The following FAM107B variants were observed in gnomAD, a reference collection of about 807,000 sequenced individuals.
FAM107B encodes protein FAM107B.
In FAM107B, 21 loss-of-function variants were observed where a neutral mutation model predicts 31.5. That is an observed-to-expected ratio of 0.67 (90% CI 0.47 to 0.96). The LOEUF is 0.96. FAM107B is among the 40% of genes least tolerant of loss of function. The pLI is 0.00. For missense variants in FAM107B, 452 were observed against 377.1 expected, an observed-to-expected ratio of 1.20 and a Z score of -1.64; for synonymous variants, 157 against 141.5, an observed-to-expected ratio of 1.11 and a Z score of -0.78.
intron 2 of FAM107B, among the ~76,000 whole-genome samples, chr10:14,613,704 C>T (rs941660225): frequency 6.6e-6 from 1 of 152,150 alleles, no homozygotes; most frequent in Non-Finnish European, 1.5e-5. Context: ...GCTTTCCTTC[C>T]GTCTGCCCCA....
At chr10:14,764,959 T>C (rs1331124105) in intron 1 of FAM107B, among the ~76,000 whole-genome samples, 1 of 152,244 alleles carries the variant, frequency 6.6e-6, no homozygotes, top group Non-Finnish European at 1.5e-5. Context: ...CCACTGCCGA[T>C]GAAGGACGTC....
At chr10:14,655,191 A>T (rs1854013602) in intron 2 of FAM107B, among the ~76,000 whole-genome samples, 1 of 152,158 alleles carries the variant, frequency 6.6e-6, no homozygotes, top group Admixed American at 6.5e-5. Flanking sequence ...ATCCATCAAG[A>T]TTGACACTAA....
At chr10:14,749,493 T>G (rs1832786708) in intron 1 of FAM107B, among the ~76,000 whole-genome samples, 1 of 152,238 alleles carries the variant, frequency 6.6e-6, no homozygotes, top group Non-Finnish European at 1.5e-5. Flanking sequence ...ATCCATTTAC[T>G]AAAACACATA....
chr10:14,759,597 G>A (rs1833001705), intron 1 of FAM107B, among the ~76,000 whole-genome samples: 1 of 152,182 alleles, frequency 6.6e-6, no homozygotes, highest in African/African-American at 2.4e-5. Context: ...ATTAAGATTA[G>A]CACCTAGAAC....
intron 2 of FAM107B, among the ~76,000 whole-genome samples, chr10:14,578,581 T>A (rs1851535914): frequency 6.6e-6 from 1 of 152,088 alleles, no homozygotes; most frequent in Non-Finnish European, 1.5e-5. Context: ...GTTTATAGAG[T>A]GAGTGATAGC....
chr10:14,604,825 C>T (rs1335024581), intron 2 of FAM107B, among the ~76,000 whole-genome samples: 1 of 151,734 alleles, frequency 6.6e-6, no homozygotes, highest in Non-Finnish European at 1.5e-5. Flanking sequence ...ATCTCTTTCT[C>T]TCTCATTGTC....
intron 1 of FAM107B, among the ~76,000 whole-genome samples, chr10:14,770,788 C>T (rs1373299784): frequency 6.6e-6 from 1 of 152,002 alleles, no homozygotes. Context: ...CATGTGCGCT[C>T]ATCACTAAAC....
intron 1 of FAM107B, among the ~76,000 whole-genome samples, chr10:14,695,519 G>A (rs1024470251): frequency 2.0e-5 from 3 of 151,902 alleles, no homozygotes; most frequent in African/African-American, 4.8e-5. Flanking sequence ...TCCTATTTTT[G>A]TGAAGAATGC....
At chr10:14,687,121 TA>T (rs1855009005) in intron 1 of FAM107B, among the ~76,000 whole-genome samples, 1 of 152,206 alleles carries the variant, frequency 6.6e-6, no homozygotes, top group Non-Finnish European at 1.5e-5. Context: ...AGTTGTTTTC[TA>T]AATAATGTGC....
At chr10:14,599,374 T>C (rs1213909558) in intron 2 of FAM107B, among the ~76,000 whole-genome samples, 1 of 152,194 alleles carries the variant, frequency 6.6e-6, no homozygotes, top group African/African-American at 2.4e-5. Flanking sequence ...CCAGTCTCTC[T>C]GCCACAGCAG....
chr10:14,706,123 G>C (rs952710260), intron 1 of FAM107B, among the ~76,000 whole-genome samples: 1 of 152,194 alleles, frequency 6.6e-6, no homozygotes, highest in Non-Finnish European at 1.5e-5. Flanking sequence ...AGCAACTGCA[G>C]ACCTTAAGCC....
intron 1 of FAM107B, among the ~76,000 whole-genome samples, chr10:14,727,911 C>A (rs1033925728): frequency 1.7e-4 from 26 of 150,740 alleles, no homozygotes; most frequent in African/African-American, 6.3e-4. Context: ...ATAAAAAATA[C>A]CTCTCAACAG....
chr10:14,765,644 G>A (rs907618410), intron 1 of FAM107B, among the ~76,000 whole-genome samples: 2 of 152,130 alleles, frequency 1.3e-5, no homozygotes, highest in African/African-American at 4.8e-5. Flanking sequence ...ATTTTGCTCA[G>A]GAGAATAAAA....
At chr10:14,554,047 A>T in intron 2 of FAM107B, 4 of 950,168 alleles carry the variant, frequency 4.2e-6, no homozygotes, top group Non-Finnish European at 5.0e-6. Flanking sequence ...CCATCCTAAG[A>T]GGCTCACTGC....
intron 3 of FAM107B, among the ~76,000 whole-genome samples, chr10:14,526,578 T>C (rs77369021): frequency 0.019 from 2,937 of 152,324 alleles, 93 homozygotes; most frequent in African/African-American, 0.066. Flanking sequence ...GGAACACAAA[T>C]ACTTGTATCC....
At chr10:14,627,269 T>A (rs576240699) in intron 2 of FAM107B, among the ~76,000 whole-genome samples, 1 of 152,378 alleles carries the variant, frequency 6.6e-6, no homozygotes, top group South Asian at 2.1e-4. Context: ...AAACATACTT[T>A]CGTCACAGTC....
rs117964017 is a variant in FAM107B, at chr10:14,692,007, T to A, written c.412-24316A>T. Among the ~76,000 whole-genome samples, 1,503 of 152,044 alleles carry A rather than the reference T, an allele frequency of 9.9e-3. 15 individuals carry two copies. The highest frequency in any genetic ancestry group is 0.017 in the Non-Finnish European group (1,128 of 67,996). On this transcript the variant is annotated intron_variant, in intron 1 of 4. Coordinates refer to ENST00000181796, the MANE Select transcript of FAM107B (RefSeq NM_031453.4). ...ATCACTGCATCATCTCTCCTAGGAA[T>A]AGACAATCCTTGACCATGACCAAAC...
chr10:14,763,406 G>T (rs1005324230), intron 1 of FAM107B, among the ~76,000 whole-genome samples: 1 of 152,162 alleles, frequency 6.6e-6, no homozygotes, highest in African/African-American at 2.4e-5. Context: ...CTATTGCAAC[G>T]TATCACCAGG....
At chr10:14,597,676 C>T (rs903160546) in intron 2 of FAM107B, among the ~76,000 whole-genome samples, 3 of 152,188 alleles carry the variant, frequency 2.0e-5, no homozygotes, top group Non-Finnish European at 4.4e-5. Context: ...AGGCCAGGCA[C>T]GGTGGCTCAC....
Sources: gnomAD v4.1 joint callset for allele counts (sites outside exome capture counted in the v4.1 genomes callset) on GRCh38, gnomAD v4.1.1 for gene constraint, MANE v1.5 for transcripts, NCBI Gene and HGNC (gene_info 2026-07-23, HGNC 2026-07-21) for gene names.